The following POLI variants were observed in gnomAD, a reference collection of about 807,000 sequenced individuals.
POLI encodes RAD30 homolog B.
POLI carries 58 observed loss-of-function variants against 51.6 expected under a neutral mutation model. That is an observed-to-expected ratio of 1.12 (90% CI 0.91 to 1.40). POLI has a LOEUF of 1.40. POLI is among the 40% of genes most tolerant of loss of function. The pLI is 0.00. For synonymous variants in POLI, 322 were observed against 299.7 expected (o/e 1.07, Z -0.77); for missense variants, 921 against 871.3 (o/e 1.06, Z -0.72).
Position 54,296,289 on chromosome 18 carries a change from A to G in POLI, c.*1822A>G. ...CCAGCTTAAAAAGAGAAAGCAAAAT[A>G]GTTAAAAATACATTTCATAGATTGA... On this transcript the variant is annotated 3_prime_UTR_variant, in exon 10 of 10. Coordinates refer to ENST00000579534, the MANE Select transcript of POLI (RefSeq NM_007195.3). 1 of 985,338 alleles carries G rather than the reference A, an allele frequency of 1.0e-6. No individual in the cohort carries two copies. The highest frequency in any genetic ancestry group is 1.2e-6 in the Non-Finnish European group (1 of 829,818). 61.0% of individuals were successfully genotyped at this position (985,338 alleles called of 1,614,324 possible).
At chr18:54,287,006 A>T (rs892993066) in intron 7 of POLI, among the ~76,000 whole-genome samples, 1 of 152,106 alleles carries the variant, frequency 6.6e-6, no homozygotes, top group Non-Finnish European at 1.5e-5. Context: ...ACAGTTTGTT[A>T]TGATTGTATC....
At position 54,295,119 on chromosome 18, in the gene POLI, T is replaced by C. The variant is rs1176067912; in HGVS notation, c.*652T>C. The C allele has an allele frequency of 1.1e-4, 113 of 985,338 alleles. No individual in the cohort carries two copies. Among genetic ancestry groups the C allele is most frequent in the Non-Finnish European group, 1.3e-4 (111 of 829,990 alleles). The allele number at this position is 985,338 out of a possible 1,614,324, so 61.0% of individuals were successfully genotyped here. On this transcript the variant is annotated 3_prime_UTR_variant, in exon 10 of 10. Transcript: ENST00000579534. ...TAAAGTGAGAGGAGGGTATATGTTA[T>C]AGAGAACAGTGGTAGAAGGAACTCT... is the stretch of plus-strand genomic sequence containing the variant.
At chr18:54,272,111 A>C (rs2087031234) in intron 2 of POLI, 1 of 152,198 alleles carries the variant, frequency 6.6e-6, no homozygotes, top group South Asian at 2.1e-4. Flanking sequence ...TTCCTCTTTT[A>C]GTGTAAGCAT....
At chr18:54,270,154 A>C (rs1226424628) in intron 1 of POLI, 1 of 409,140 alleles carries the variant, frequency 2.4e-6, no homozygotes, top group Non-Finnish European at 3.3e-6. Flanking sequence ...TGTACCGCCC[A>C]CCTCAGGGCC....
At chr18:54,291,773 A>G (rs2088021668) in intron 8 of POLI, 60 bp from the exon 9 acceptor site, 3 of 765,602 alleles carry the variant, frequency 3.9e-6, no homozygotes, top group Non-Finnish European at 6.3e-6. Context: ...TCTCAGCAAT[A>G]TAAAATATAT....
chr18:54,282,931 A>G lies in POLI; in HGVS notation c.891A>G (p.Glu297=), dbSNP rs2087576997. ...TTTCACCCAAAATTTTAGAAAAAGA[A>G]TTAGGAATTTCAGTTGCTCAGCGTA... The part of the protein sequence containing the change: ...QTFSPKILEK[E]LGISVAQRIQ... The change falls in exon 6 of 10, where the codon GAA becomes GAG. Residue 297 remains glutamate (E), a synonymous_variant. Coordinates refer to ENST00000579534, the MANE Select transcript of POLI (RefSeq NM_007195.3). The G allele has an allele frequency of 6.2e-7, 1 of 1,605,672 alleles. No homozygotes were observed.
At position 54,296,941 on chromosome 18, in the gene POLI, G is replaced by T. The variant is rs919000513; in HGVS notation, c.*2474G>T. ...TTTAAGGTTATTATTGCATATCATT[G>T]TGACTTATTTCCTTGAGTATGTGTT... On this transcript the variant is annotated 3_prime_UTR_variant, in exon 10 of 10. Transcript: ENST00000579534. The T allele has an allele frequency of 1.0e-6, 1 of 977,130 alleles. No homozygotes were observed. The highest frequency in any genetic ancestry group is 5.3e-4 in the Middle Eastern group (1 of 1,892). The allele number at this position is 977,130 out of a possible 1,614,324, so 60.5% of individuals were successfully genotyped here.
Position 54,293,634 on chromosome 18 carries a change from A to G in POLI, c.1405-15A>G. The G allele has an allele frequency of 1.3e-6, 2 of 1,510,792 alleles. No homozygotes were observed. The highest frequency in any genetic ancestry group is 1.8e-6 in the Non-Finnish European group (2 of 1,125,128). The allele number at this position is 1,510,792 out of a possible 1,614,324, so 93.6% of individuals were successfully genotyped here. Reference sequence around the variant, plus strand: ...TATCAGATATGTAAATTAGTCTGTTATTCTTGTGTTCTAGAAAATGAAAGA... The same window carrying G: ...TATCAGATATGTAAATTAGTCTGTTGTTCTTGTGTTCTAGAAAATGAAAGA... On this transcript the variant is annotated splice_polypyrimidine_tract_variant and intron_variant, in intron 9 of 9. Coordinates refer to ENST00000579534, the MANE Select transcript of POLI (RefSeq NM_007195.3).
At chr18:54,285,338 A>G (rs746935017) in intron 7 of POLI, among the ~76,000 whole-genome samples, 3 of 152,204 alleles carry the variant, frequency 2.0e-5, no homozygotes, top group Non-Finnish European at 4.4e-5. Context: ...AGGTTCTCTT[A>G]TTTGAAGAGT....
At chr18:54,282,289 G>A (rs1438200432) in intron 5 of POLI, among the ~76,000 whole-genome samples, 2 of 152,058 alleles carry the variant, frequency 1.3e-5, no homozygotes, top group African/African-American at 4.8e-5. Context: ...GGCTGTCTCT[G>A]TATTCATTTT....
chr18:54,297,634 T>C lies in POLI; in HGVS notation c.*3167T>C. On this transcript the variant is annotated 3_prime_UTR_variant, in exon 10 of 10. Transcript: ENST00000579534. ...TCTCCTCCTATCTTTTGGGATCAGT[T>C]GGGTTTTCTATTTAATCATATATTT... The C allele has an allele frequency of 2.0e-6, 2 of 981,428 alleles. No individual in the cohort carries two copies. The highest frequency in any genetic ancestry group is 2.4e-6 in the Non-Finnish European group (2 of 826,270). The allele number at this position is 981,428 out of a possible 1,614,324, so 60.8% of individuals were successfully genotyped here. A position where few individuals can be genotyped will look rare whatever the true frequency, so the allele number is the denominator to read the frequency against.
In POLI at chr18:54,294,941, C is replaced by G; in HGVS notation, c.*474C>G. ...TAGTTTTGACTAAAGTACTACATTA[C>G]ATTTAGTATGTTGACTTTTAAAATA... On this transcript the variant is annotated 3_prime_UTR_variant, in exon 10 of 10. Coordinates refer to ENST00000579534, the MANE Select transcript of POLI (RefSeq NM_007195.3). 2 of 972,102 alleles carry G rather than the reference C, an allele frequency of 2.1e-6. No homozygotes were observed. Among genetic ancestry groups the G allele is most frequent in the South Asian group, 9.5e-5 (2 of 21,042 alleles). 60.2% of individuals were successfully genotyped at this position (972,102 alleles called of 1,614,324 possible).
downstream of POLI, among the ~76,000 whole-genome samples, chr18:54,302,718 A>G (rs1436404966): frequency 2.6e-5 from 4 of 152,134 alleles, no homozygotes; most frequent in Admixed American, 6.6e-5. Flanking sequence ...GGTCTTATTC[A>G]TTCTAATTAT....
Position 54,297,644 on chromosome 18 carries a change from A to G in POLI, c.*3177A>G, listed in dbSNP as rs995075104. 1.8e-5 allele frequency: 18 copies of G among 979,864 alleles called. No homozygotes were observed. Among genetic ancestry groups the G allele is most frequent in the Non-Finnish European group, 2.1e-5 (17 of 825,074 alleles). 60.7% of individuals were successfully genotyped at this position (979,864 alleles called of 1,614,324 possible). ...TCTTTTGGGATCAGTTGGGTTTTCTATTTAATCATATATTTTCCCTTTACT... is the reference window on the plus strand; with the variant it reads ...TCTTTTGGGATCAGTTGGGTTTTCTGTTTAATCATATATTTTCCCTTTACT... On this transcript the variant is annotated 3_prime_UTR_variant, in exon 10 of 10. Coordinates refer to ENST00000579534, the MANE Select transcript of POLI (RefSeq NM_007195.3).
chr18:54,308,555 G>T (rs2088624663), intron 3 of POLI, among the ~76,000 whole-genome samples: 2 of 149,012 alleles, frequency 1.3e-5, no homozygotes, highest in African/African-American at 5.0e-5. Context: ...TGACAATTAT[G>T]TGTCTTGGGG....
Position 54,294,602 on chromosome 18 carries a change from G to T in POLI, c.*135G>T. On this transcript the variant is annotated 3_prime_UTR_variant, in exon 10 of 10. Transcript: ENST00000579534. The stretch of plus-strand genomic sequence containing the variant: ...AACTGTTCCAGATAAAGCAAGAATA[G>T]TTGCAAGAAGTAAATTCTGGCACAA... 1 of 1,296,390 alleles carries T rather than the reference G, an allele frequency of 7.7e-7. No homozygotes were observed. The highest frequency in any genetic ancestry group is 9.8e-7 in the Non-Finnish European group (1 of 1,025,534). The allele number at this position is 1,296,390 out of a possible 1,614,324, so 80.3% of individuals were successfully genotyped here. A position where few individuals can be genotyped will look rare whatever the true frequency, so the allele number is the denominator to read the frequency against.
In POLI at chr18:54,295,392, C is replaced by T. The variant is rs1255593526; in HGVS notation, c.*925C>T. 2.0e-6 allele frequency: 2 copies of T among 980,944 alleles called. No individual in the cohort carries two copies. Among genetic ancestry groups the T allele is most frequent in the Non-Finnish European group, 2.4e-6 (2 of 826,028 alleles). The allele number at this position is 980,944 out of a possible 1,614,324, so 60.8% of individuals were successfully genotyped here. A position where few individuals can be genotyped will look rare whatever the true frequency, so the allele number is the denominator to read the frequency against. On this transcript the variant is annotated 3_prime_UTR_variant, in exon 10 of 10. Transcript: ENST00000579534. ...CATTGTTATTGCCTTCCTCTTTTGC[C>T]TGCTAAACTAAAAATTGGATATAAG...
Position 54,269,574 on chromosome 18 carries a change from G to T in POLI, c.28G>T (p.Glu10Ter). 3 of 1,450,214 alleles carry T rather than the reference G, an allele frequency of 2.1e-6. No homozygotes were observed. Among genetic ancestry groups the T allele is most frequent in the Non-Finnish European group, 2.7e-6 (3 of 1,113,510 alleles). The allele number at this position is 1,450,214 out of a possible 1,614,324, so 89.8% of individuals were successfully genotyped here. Residue 10 changes from glutamate (E) to a stop codon, truncating the protein, a stop_gained, in exon 1 of 10, where the codon GAG becomes TAG. Transcript: ENST00000579534. LOFTEE classifies it high-confidence loss of function. MEKLGVEPE[E>*]EGGGDDDEED... ...GGAGAAGCTGGGGGTGGAGCCGGAGGAGGAAGGCGGCGGCGACGACGACGA... is the reference window on the plus strand; with the variant it reads ...GGAGAAGCTGGGGGTGGAGCCGGAGTAGGAAGGCGGCGGCGACGACGACGA...
chr18:54,313,660 G>A lies in POLI; in HGVS notation c.334-6613G>A, dbSNP rs373874779. The stretch of plus-strand genomic sequence containing the variant: ...AGTGTTTTGTAATTCTCATTGTAGA[G>A]ATTTTTCACCTCCCTGCTTATGTGT... On this transcript the variant is annotated intron_variant, in intron 3 of 4. Transcript: ENST00000579823. Among the ~76,000 whole-genome samples, 199 of 152,214 alleles carry A rather than the reference G, an allele frequency of 1.3e-3. 2 individuals are homozygous for A. Among genetic ancestry groups the A allele is most frequent in the African/African-American group, 4.7e-3 (195 of 41,526 alleles).
Sources: gnomAD v4.1 joint callset for allele counts (sites outside exome capture counted in the v4.1 genomes callset) on GRCh38, gnomAD v4.1.1 for gene constraint, MANE v1.5 for transcripts, NCBI Gene and HGNC (gene_info 2026-07-23, HGNC 2026-07-21) for gene names.